Variants in PLCE1 observed in about 807,000 individuals in gnomAD.
PLCE1 encodes phospholipase C epsilon 1, also known as 1-phosphatidylinositol 4,5-bisphosphate phosphodiesterase epsilon-1.
A neutral mutation model predicts 242.8 loss-of-function variants in PLCE1; 119 were observed. The observed-to-expected ratio is 0.49, with a 90% CI of 0.42 to 0.57. The LOEUF (loss-of-function observed/expected upper bound fraction) is 0.57. Ranked by LOEUF, PLCE1 falls within the 20% of genes least tolerant of loss-of-function variation. The probability of loss-of-function intolerance (pLI) is 0.00; values close to 1 mark genes in which losing one functional copy is unlikely to be tolerated. For synonymous variants in PLCE1, 945 were observed against 1,017.4 expected, an observed-to-expected ratio of 0.93 and a Z score of 1.35; for missense variants, 2,441 against 2,788.8, an observed-to-expected ratio of 0.88 and a Z score of 2.81.
At chr10:94,088,618 C>T (rs2044936950) in intron 2 of PLCE1, among the ~76,000 whole-genome samples, 1 of 152,230 alleles carries the variant, frequency 6.6e-6, no homozygotes, top group African/African-American at 2.4e-5. Context: ...TAGGAGTTGT[C>T]TTTACTTTGA....
At chr10:94,012,497 TCA>T (rs2061189031) in intron 1 of PLCE1, among the ~76,000 whole-genome samples, 1 of 151,954 alleles carries the variant, frequency 6.6e-6, no homozygotes, top group African/African-American at 2.4e-5. Flanking sequence ...ATTCCCAGCC[TCA>T]CATGCTGGAA....
intron 5 of PLCE1, among the ~76,000 whole-genome samples, chr10:94,231,020 A>T (rs1398925514): frequency 1.3e-5 from 2 of 152,242 alleles, no homozygotes; most frequent in African/African-American, 4.8e-5. Context: ...GCCCATATAG[A>T]CAAGAATAGA....
intron 12 of PLCE1, 37 bp from the exon 13 acceptor site, chr10:94,258,977 G>A: frequency 6.2e-7 from 1 of 1,614,034 alleles, no homozygotes; most frequent in East Asian, 2.2e-5. Context: ...TTTCTATAAA[G>A]ATACTCAATG....
At chr10:94,014,735 C>G (rs1054993566) in intron 1 of PLCE1, among the ~76,000 whole-genome samples, 2 of 152,168 alleles carry the variant, frequency 1.3e-5, no homozygotes, top group Non-Finnish European at 1.5e-5. Flanking sequence ...CTCTTATGCT[C>G]AATGTAATAT....
intron 4 of PLCE1, among the ~76,000 whole-genome samples, chr10:94,217,761 T>C (rs994521237): frequency 6.6e-6 from 1 of 152,162 alleles, no homozygotes; most frequent in Non-Finnish European, 1.5e-5. Flanking sequence ...TATTTAGGGA[T>C]TTATAGTTGA....
At chr10:94,139,997 T>C (rs1240923389) in intron 3 of PLCE1, among the ~76,000 whole-genome samples, 6 of 152,194 alleles carry the variant, frequency 3.9e-5, no homozygotes, top group Admixed American at 2.6e-4. Context: ...TCTAGTTTCC[T>C]TTTTTGGATA....
chr10:94,308,698 C>T lies in PLCE1; in HGVS notation c.6002C>T (p.Ser2001Leu), dbSNP rs764074119. 15 of 1,571,368 alleles carry T rather than the reference C, an allele frequency of 9.5e-6. No individual in the cohort carries two copies. The highest frequency in any genetic ancestry group is 3.3e-5 in the South Asian group (3 of 90,150). Residue 2001 changes from serine (S) to leucine (L), a missense_variant and splice_region_variant, in exon 27 of 33, where the codon TCG becomes TTG. This residue lies in a region of PLCE1 where 1,004 missense variants were observed against 1,322.7 expected (regional missense o/e 0.76). Transcript: ENST00000371380. Reference sequence around the variant, plus strand: ...TCTGGCAATACCATGTCAGCCTCTTCGGTAATGAAGTTCTGTTTCACTCAA... The same window carrying T: ...TCTGGCAATACCATGTCAGCCTCTTTGGTAATGAAGTTCTGTTTCACTCAA... Reference protein sequence around the residue: ...NSSGNTMSASSMFNTEERKCL... With the variant: ...NSSGNTMSASLMFNTEERKCL...
chr10:94,031,547 A>T lies in PLCE1; in HGVS notation c.501A>T (p.Gly167=). 1 of 1,612,340 alleles carries T rather than the reference A, an allele frequency of 6.2e-7. No individual in the cohort carries two copies. The highest frequency in any genetic ancestry group is 1.7e-4 in the Middle Eastern group (1 of 6,058). ...CTTCCATGGGCATTAGTCCTTTAGG[A>T]AATCAGTCAGTGATCATAGAGACAG... ...DRPSMGISPL[G]NQSVIIETGR... The change falls in exon 2 of 33, where the codon GGA becomes GGT. Residue 167 remains glycine, a synonymous_variant. Transcript: ENST00000371380.
Position 94,324,547 on chromosome 10 carries a change from A to T in PLCE1, c.6700A>T (p.Lys2234Ter), listed in dbSNP as rs1338607117. ...GAAAGGTGCAGGAAAATTCATCCTT[A>T]AGCTAAAGGAGCAGGTGCAGGTAAA... ...KWKGAGKFILKLKEQVQASRE... is the reference protein window; with the variant it reads ...KWKGAGKFIL The change falls in exon 31 of 33, where the codon AAG becomes TAG. Residue 2234 changes from lysine (K) to a stop codon, truncating the protein, a stop_gained. Coordinates refer to ENST00000371380, the MANE Select transcript of PLCE1 (RefSeq NM_016341.4). LOFTEE classifies it high-confidence loss of function. 6.2e-7 allele frequency: 1 copy of T among 1,613,576 alleles called. No individual in the cohort carries two copies.
At chr10:94,185,566 G>A (rs1168826130) in intron 4 of PLCE1, among the ~76,000 whole-genome samples, 8 of 152,194 alleles carry the variant, frequency 5.3e-5, no homozygotes, top group African/African-American at 1.9e-4. Context: ...GGGCAAGTGA[G>A]TGATTTAAAA....
chr10:94,151,425 A>G (rs547277777), intron 3 of PLCE1, among the ~76,000 whole-genome samples: 1 of 152,262 alleles, frequency 6.6e-6, no homozygotes, highest in Non-Finnish European at 1.5e-5. Flanking sequence ...TGAAAGAATA[A>G]CAAATACCTC....
intron 3 of PLCE1, among the ~76,000 whole-genome samples, chr10:94,132,963 A>C (rs1490339852): frequency 6.6e-6 from 1 of 152,090 alleles, no homozygotes; most frequent in Non-Finnish European, 1.5e-5. Flanking sequence ...AAAAAAAAAA[A>C]AAAAAAGATT....
intron 2 of PLCE1, among the ~76,000 whole-genome samples, chr10:94,103,911 A>C (rs1208395519): frequency 6.6e-6 from 1 of 152,192 alleles, no homozygotes; most frequent in South Asian, 2.1e-4. Flanking sequence ...CCAACAAACT[A>C]TCTCCTTTTT....
intron 5 of PLCE1, among the ~76,000 whole-genome samples, chr10:94,228,440 C>T (rs2050022114): frequency 6.6e-6 from 1 of 152,186 alleles, no homozygotes; most frequent in Non-Finnish European, 1.5e-5. Context: ...TACTAAAAAG[C>T]ACCTACATCT....
chr10:94,258,156 T>C (rs938508837), intron 11 of PLCE1, among the ~76,000 whole-genome samples: 2 of 152,170 alleles, frequency 1.3e-5, no homozygotes, highest in Non-Finnish European at 2.9e-5. Flanking sequence ...TTAGAGACAG[T>C]GCCTCACTAT....
At chr10:94,105,644 G>C (rs976794266) in intron 2 of PLCE1, 1 of 152,158 alleles carries the variant, frequency 6.6e-6, no homozygotes, top group African/African-American at 2.4e-5. Flanking sequence ...CAATCATTTA[G>C]AATGATGTTG....
chr10:94,146,937 C>T (rs531680974), intron 3 of PLCE1, among the ~76,000 whole-genome samples: 6 of 152,316 alleles, frequency 3.9e-5, no homozygotes, highest in African/African-American at 1.4e-4. Context: ...TTCCAGGTAG[C>T]ATTCACATTT....
chr10:93,996,978 T>A (rs1423855334), intron 1 of PLCE1, among the ~76,000 whole-genome samples: 1 of 152,206 alleles, frequency 6.6e-6, no homozygotes, highest in Non-Finnish European at 1.5e-5. Context: ...GGTTTCCAAA[T>A]GAAATTTAGT....
chr10:94,052,892 AC>A (rs1370683801), intron 2 of PLCE1, among the ~76,000 whole-genome samples: 1 of 152,104 alleles, frequency 6.6e-6, no homozygotes, highest in African/African-American at 2.4e-5. Context: ...TTATCCTCTG[AC>A]TCCATGACAA....
Sources: gnomAD v4.1 joint callset for allele counts (sites outside exome capture counted in the v4.1 genomes callset) on GRCh38, gnomAD v4.1.1 for gene constraint, gnomAD v4.1.1 regional missense constraint, MANE v1.5 for transcripts, NCBI Gene and HGNC (gene_info 2026-07-23, HGNC 2026-07-21) for gene names.